Variants in ADAP2 observed in about 807,000 individuals in gnomAD.
ADAP2 encodes the protein ArfGAP with dual PH domains 2, also known as arf-GAP with dual PH domain-containing protein 2.
In ADAP2, 42 loss-of-function variants were observed where a neutral mutation model predicts 54.9. The observed-to-expected ratio is 0.77, with a 90% CI of 0.60 to 0.99. The LOEUF (loss-of-function observed/expected upper bound fraction) is 0.99. Ranked by LOEUF, ADAP2 falls within the 50% of genes least tolerant of loss-of-function variation. The pLI is 0.00. For missense variants in ADAP2, 429 were observed against 480.4 expected (o/e 0.89, Z 1.00); for synonymous variants, 177 against 180.1 (o/e 0.98, Z 0.14).
chr17:30,943,373 A>C (rs1460956590), intron 5 of ADAP2, among the ~76,000 whole-genome samples: 1 of 152,088 alleles, frequency 6.6e-6, no homozygotes, highest in Non-Finnish European at 1.5e-5. Context: ...CTGAAAAAAA[A>C]AAAGGAAAGA....
chr17:30,948,557 A>G (rs1376116769), intron 6 of ADAP2, among the ~76,000 whole-genome samples: 1 of 152,140 alleles, frequency 6.6e-6, no homozygotes, highest in African/African-American at 2.4e-5. Flanking sequence ...CGGCGACAGC[A>G]TGAGACTCCA....
Position 30,958,213 on chromosome 17 carries a change from TG to T in ADAP2, c.*345del. 8 of 274,944 alleles carry T rather than the reference TG, an allele frequency of 2.9e-5. No homozygotes were observed. The highest frequency in any genetic ancestry group is 8.0e-5 in the South Asian group (1 of 12,502). 17.0% of individuals were successfully genotyped at this position (274,944 alleles called of 1,614,324 possible). On this transcript the variant is annotated 3_prime_UTR_variant, in exon 11 of 11. Coordinates refer to ENST00000330889, the MANE Select transcript of ADAP2 (RefSeq NM_018404.3). ...CCACAGCATCATGCAAGTGGCATCT[TG>T]TAAAAAAAAAAAAAAAGTTTAATCT...
intron 7 of ADAP2, among the ~76,000 whole-genome samples, chr17:30,951,746 C>T (rs1281974622): frequency 1.3e-5 from 2 of 151,240 alleles, no homozygotes; most frequent in African/African-American, 2.4e-5. Context: ...AGCTCCGCCT[C>T]CCAGGTTCAC....
intron 3 of ADAP2, 48 bp from the exon 4 acceptor site, chr17:30,931,841 A>AG: frequency 6.8e-7 from 1 of 1,466,212 alleles, no homozygotes; most frequent in East Asian, 2.3e-5. Flanking sequence ...AAAAAAAAAA[A>AG]AAAGAGAATG....
Position 30,922,219 on chromosome 17 carries a change from G to C in ADAP2, c.94+111G>C, listed in dbSNP as rs1348590207. 1.2e-5 allele frequency: 9 copies of C among 769,518 alleles called. No individual in the cohort carries two copies. The African/African-American group carries it at 1.7e-4, about 15-fold the overall frequency. The allele number at this position is 769,518 out of a possible 1,614,324, so 47.7% of individuals were successfully genotyped here. A position where few individuals can be genotyped will look rare whatever the true frequency, so the allele number is the denominator to read the frequency against. ...CGCCCTCGGCCCCCTGGACCCAGAC[G>C]TGGCACCTGCGGGCCCCGACCCCTC... On this transcript the variant is annotated intron_variant, in intron 1 of 10. Coordinates refer to ENST00000330889, the MANE Select transcript of ADAP2 (RefSeq NM_018404.3).
intron 7 of ADAP2, among the ~76,000 whole-genome samples, chr17:30,952,901 G>A (rs1372356270): frequency 1.3e-5 from 2 of 152,166 alleles, no homozygotes; most frequent in Non-Finnish European, 2.9e-5. Flanking sequence ...TTCTTCAGAT[G>A]TGTAATGAGG....
At chr17:30,948,835 T>A (rs1217712787) in intron 6 of ADAP2, among the ~76,000 whole-genome samples, 1 of 152,178 alleles carries the variant, frequency 6.6e-6, no homozygotes, top group African/African-American at 2.4e-5. Flanking sequence ...CTGAGGACAA[T>A]GATTTCCTAG....
At position 30,956,246 on chromosome 17, in the gene ADAP2, C is replaced by T. The variant is rs768203329; in HGVS notation, c.888C>T (p.Ala296=). Residue 296 remains alanine, a synonymous_variant, in exon 10 of 11, where the codon GCC becomes GCT. Coordinates refer to ENST00000330889, the MANE Select transcript of ADAP2 (RefSeq NM_018404.3). ...RLLYYKNPLD[A]FEQGQVFLGN... ...CCTGTACTCTCCATTTTCAGGATGC[C>T]TTCGAGCAGGGCCAGGTTTTTCTTG... 4 of 1,614,002 alleles carry T rather than the reference C, an allele frequency of 2.5e-6. No individual in the cohort carries two copies. Among genetic ancestry groups the T allele is most frequent in the Admixed American group, 1.7e-5 (1 of 59,984 alleles).
Position 30,934,310 on chromosome 17 carries a change from A to G in ADAP2, c.510+13A>G. 6.3e-7 allele frequency: 1 copy of G among 1,582,616 alleles called. No individual in the cohort carries two copies. Among genetic ancestry groups the G allele is most frequent in the Non-Finnish European group, 8.7e-7 (1 of 1,152,230 alleles). On this transcript the variant is annotated intron_variant, in intron 5 of 10. Coordinates refer to ENST00000330889, the MANE Select transcript of ADAP2 (RefSeq NM_018404.3). The stretch of plus-strand genomic sequence containing the variant: ...CACAAAGGAACAGGTAAGATGCCAG[A>G]CCAATGAGAGCAGGTCCCTTCCTGA...
chr17:30,929,790 C>T (rs368964838), intron 3 of ADAP2, among the ~76,000 whole-genome samples: 2 of 152,124 alleles, frequency 1.3e-5, no homozygotes, highest in Admixed American at 6.5e-5. Flanking sequence ...CCAACCTCCT[C>T]GGCTCAAGTG....
rs567568730 is a variant in ADAP2 at position 30,945,891 on chromosome 17, C to T, written c.657+838C>T. On this transcript the variant is annotated intron_variant, in intron 6 of 10. Coordinates refer to ENST00000330889, the MANE Select transcript of ADAP2 (RefSeq NM_018404.3). ...AGAAGAGGCCGGGCGCGGTGGCTCA[C>T]GCCTGTAATCCCAGCACTTTGGGAG... 5.2e-3 allele frequency among the ~76,000 whole-genome samples: 768 copies of T among 147,108 alleles called. 5 individuals carry two copies. Among genetic ancestry groups the T allele is most frequent in the Middle Eastern group, 0.011 (3 of 276 alleles).
chr17:30,930,903 G>T (rs1911426421), intron 3 of ADAP2, among the ~76,000 whole-genome samples: 1 of 152,144 alleles, frequency 6.6e-6, no homozygotes, highest in Non-Finnish European at 1.5e-5. Flanking sequence ...TAGGTGCTAG[G>T]CCCTTTATAT....
chr17:30,938,776 A>G (rs1406847741), intron 5 of ADAP2, among the ~76,000 whole-genome samples: 1 of 152,060 alleles, frequency 6.6e-6, no homozygotes, highest in African/African-American at 2.4e-5. Context: ...TGGGGAGGAG[A>G]AGGGAGGATG....
rs1414742502 is a variant in ADAP2, at chr17:30,959,157, G to T, written c.*1288G>T. 1 of 152,178 alleles carries T rather than the reference G, an allele frequency of 6.6e-6. No individual in the cohort carries two copies. The highest frequency in any genetic ancestry group is 1.9e-4 in the East Asian group (1 of 5,200). 9.4% of individuals were successfully genotyped at this position (152,178 alleles called of 1,614,324 possible). On this transcript the variant is annotated 3_prime_UTR_variant, in exon 11 of 11. Coordinates refer to ENST00000330889, the MANE Select transcript of ADAP2 (RefSeq NM_018404.3). The stretch of plus-strand genomic sequence containing the variant: ...TGGGTGTACTCTGCTAAGTTCTGGG[G>T]ATGAGGAAATTAATAAAGGTACAGT...
chr17:30,938,909 T>C (rs1380776521), intron 5 of ADAP2, among the ~76,000 whole-genome samples: 1 of 152,136 alleles, frequency 6.6e-6, no homozygotes, highest in Non-Finnish European at 1.5e-5. Context: ...CTAAATATCC[T>C]GGCTTGATCA....
At chr17:30,951,038 T>C (rs1440736880) in intron 7 of ADAP2, among the ~76,000 whole-genome samples, 2 of 152,150 alleles carry the variant, frequency 1.3e-5, no homozygotes, top group Non-Finnish European at 2.9e-5. Context: ...GTGTATGGTG[T>C]GAGGTTCTGA....
At chr17:30,934,860 C>T (rs569428908) in intron 5 of ADAP2, among the ~76,000 whole-genome samples, 1 of 152,108 alleles carries the variant, frequency 6.6e-6, no homozygotes, top group East Asian at 1.9e-4. Context: ...ATGGTGAAGC[C>T]CCATCTCTAC....
At chr17:30,940,775 A>G (rs1210680774) in intron 5 of ADAP2, among the ~76,000 whole-genome samples, 1 of 152,188 alleles carries the variant, frequency 6.6e-6, no homozygotes, top group Non-Finnish European at 1.5e-5. Flanking sequence ...CTCTCTGGTG[A>G]AGTTTTCTCA....
Position 30,945,257 on chromosome 17 carries a change from G to T in ADAP2, c.657+204G>T, listed in dbSNP as rs116726476. 3.4e-3 allele frequency among the ~76,000 whole-genome samples: 520 copies of T among 152,294 alleles called. 4 individuals are homozygous for T. Among genetic ancestry groups the T allele is most frequent in the African/African-American group, 0.012 (482 of 41,556 alleles). On this transcript the variant is annotated intron_variant, in intron 6 of 10. Transcript: ENST00000330889. ...GGGTGAGATCAGGGAGAGGAACCTG[G>T]CAAGTACCATGGCTATATCTGGACA... is the stretch of plus-strand genomic sequence containing the variant.
Sources: gnomAD v4.1 joint callset for allele counts (sites outside exome capture counted in the v4.1 genomes callset) on GRCh38, gnomAD v4.1.1 for gene constraint, MANE v1.5 for transcripts, NCBI Gene and HGNC (gene_info 2026-07-23, HGNC 2026-07-21) for gene names.